Variants in CNTNAP2 observed in about 807,000 individuals in gnomAD.
CNTNAP2 encodes contactin-associated protein-like 2.
In CNTNAP2, 98 loss-of-function variants were observed where a neutral mutation model predicts 155.2. That is an observed-to-expected ratio of 0.63 (90% confidence interval 0.54 to 0.75). The LOEUF (loss-of-function observed/expected upper bound fraction) is 0.75, where lower values mean the gene tolerates loss of function less well. Ranked by LOEUF, CNTNAP2 falls within the 30% of genes least tolerant of loss-of-function variation. CNTNAP2 has a pLI of 0.00. For missense variants in CNTNAP2, 1,727 were observed against 1,688.1 expected, an observed-to-expected ratio of 1.02 and a Z score of -0.40; for synonymous variants, 651 against 631.2, an observed-to-expected ratio of 1.03 and a Z score of -0.47.
intron 13 of CNTNAP2, among the ~76,000 whole-genome samples, chr7:147,772,407 A>AT (rs1347737475): frequency 8.7e-5 from 12 of 138,304 alleles, no homozygotes; most frequent in African/African-American, 2.7e-4. Context: ...CTAAAAAAAA[A>AT]AATATATATA....
At chr7:146,361,514 T>C (rs1795082608) in intron 1 of CNTNAP2, among the ~76,000 whole-genome samples, 1 of 152,202 alleles carries the variant, frequency 6.6e-6, no homozygotes, top group Non-Finnish European at 1.5e-5. Flanking sequence ...AAGTGTTCAC[T>C]GTATGAGGTA....
At chr7:146,751,438 C>G (rs1801901843) in intron 1 of CNTNAP2, among the ~76,000 whole-genome samples, 1 of 152,096 alleles carries the variant, frequency 6.6e-6, no homozygotes, top group Non-Finnish European at 1.5e-5. Context: ...CATACACACC[C>G]ACTGACTGAG....
chr7:148,401,644 G>C (rs1799585026), intron 22 of CNTNAP2, among the ~76,000 whole-genome samples: 1 of 151,586 alleles, frequency 6.6e-6, no homozygotes, highest in Non-Finnish European at 1.5e-5. Context: ...TTTTGCCCAG[G>C]CTGGAGTGCA....
intron 13 of CNTNAP2, among the ~76,000 whole-genome samples, chr7:147,899,118 T>G (rs1236574820): frequency 6.6e-6 from 1 of 152,162 alleles, no homozygotes; most frequent in Non-Finnish European, 1.5e-5. Context: ...AGCAGGTGAA[T>G]CACTTGAGCC....
intron 3 of CNTNAP2, among the ~76,000 whole-genome samples, chr7:147,034,273 G>A (rs2372808): frequency 0.65 from 98,306 of 152,110 alleles, 33,320 homozygotes; most frequent in African/African-American, 0.86. Context: ...TTTCTTTGCC[G>A]TCTTCGTTTT....
At chr7:147,893,651 A>G (rs1416524848) in intron 13 of CNTNAP2, among the ~76,000 whole-genome samples, 5 of 152,226 alleles carry the variant, frequency 3.3e-5, no homozygotes, top group African/African-American at 7.2e-5. Flanking sequence ...TAGTGGAATC[A>G]TAGGGAAATT....
intron 11 of CNTNAP2, among the ~76,000 whole-genome samples, chr7:147,532,469 CT>C (rs1799459010): frequency 6.6e-6 from 1 of 152,216 alleles, no homozygotes; most frequent in African/African-American, 2.4e-5. Context: ...AGGTTCCAAA[CT>C]TTCCCACATT....
chr7:147,609,218 C>T (rs762589378), intron 12 of CNTNAP2, among the ~76,000 whole-genome samples: 2 of 152,132 alleles, frequency 1.3e-5, no homozygotes, highest in Non-Finnish European at 2.9e-5. Flanking sequence ...TCTCTGACAT[C>T]CTGGAGTTTA....
intron 13 of CNTNAP2, among the ~76,000 whole-genome samples, chr7:147,900,062 G>C (rs1240476805): frequency 1.3e-5 from 2 of 152,098 alleles, no homozygotes; most frequent in East Asian, 3.9e-4. Flanking sequence ...CAAATTAAAA[G>C]AAAACTCTTA....
intron 8 of CNTNAP2, among the ~76,000 whole-genome samples, chr7:147,188,395 G>A (rs1001800978): frequency 6.6e-6 from 1 of 152,168 alleles, no homozygotes; most frequent in Non-Finnish European, 1.5e-5. Flanking sequence ...TCACATACAC[G>A]CATGATATTT....
In CNTNAP2 at chr7:147,173,027, A is replaced by C. The variant is rs73473008; in HGVS notation, c.1348+40518A>C. Among the ~76,000 whole-genome samples the C allele has an allele frequency of 9.4e-3, 1,435 of 152,294 alleles. 26 individuals are homozygous for C. The highest frequency in any genetic ancestry group is 0.033 in the African/African-American group (1,381 of 41,546). ...TAACACACAGGCTATAATTTGATGT[A>C]ATATTCAACTCTATACTTTATGGCA... On this transcript the variant is annotated intron_variant, in intron 8 of 23. Coordinates refer to ENST00000361727, the MANE Select transcript of CNTNAP2 (RefSeq NM_014141.6).
chr7:146,368,863 T>G (rs531069097), intron 1 of CNTNAP2, among the ~76,000 whole-genome samples: 13 of 150,370 alleles, frequency 8.6e-5, no homozygotes, highest in South Asian at 2.1e-4. Flanking sequence ...TATATATATA[T>G]ATAGATGCTT....
At chr7:146,282,071 G>A (rs1056533677) in intron 1 of CNTNAP2, among the ~76,000 whole-genome samples, 2 of 152,128 alleles carry the variant, frequency 1.3e-5, no homozygotes, top group Non-Finnish European at 2.9e-5. Flanking sequence ...GTTTATGTTA[G>A]CATTGCTGTT....
chr7:147,704,838 CTAGGTTTTTGGTTTGT>C (rs1796287272), intron 13 of CNTNAP2, among the ~76,000 whole-genome samples: 1 of 152,008 alleles, frequency 6.6e-6, no homozygotes, highest in Admixed American at 6.6e-5. Context: ...GACATGTTCT[CTAGGTTTTTGGTTTGT>C]TAGTGTATAG....
At chr7:147,891,967 A>G (rs1799703111) in intron 13 of CNTNAP2, among the ~76,000 whole-genome samples, 1 of 152,244 alleles carries the variant, frequency 6.6e-6, no homozygotes, top group South Asian at 2.1e-4. Context: ...GATTTATCAC[A>G]ACAAAGTCGA....
At chr7:146,714,406 A>T (rs1253734266) in intron 1 of CNTNAP2, among the ~76,000 whole-genome samples, 1 of 152,246 alleles carries the variant, frequency 6.6e-6, no homozygotes, top group African/African-American at 2.4e-5. Context: ...ACTAGTTTCT[A>T]ATCATGGAAG....
intron 8 of CNTNAP2, among the ~76,000 whole-genome samples, chr7:147,278,103 G>A (rs1279167164): frequency 7.1e-6 from 1 of 141,098 alleles, no homozygotes; most frequent in Non-Finnish European, 1.5e-5. Flanking sequence ...TATTCTAGGA[G>A]CTCAGGAAGG....
chr7:147,638,701 A>G, intron 12 of CNTNAP2: 4 of 378,100 alleles, frequency 1.1e-5, no homozygotes, highest in Non-Finnish European at 2.1e-5. Context: ...AGAGGCTTGA[A>G]AGAGAGCATA....
In CNTNAP2 at chr7:146,716,029, C is replaced by T. The variant is rs75639385; in HGVS notation, c.98-58242C>T. 2.4e-4 allele frequency among the ~76,000 whole-genome samples: 37 copies of T among 152,088 alleles called. No individual in the cohort carries two copies. The East Asian group carries it at 6.0e-3, about 25-fold the overall frequency. ...CAGCCGCCATAGGTCATTAACATGC[C>T]GCCTGCATCATTCACTTACCCACTA... On this transcript the variant is annotated intron_variant, in intron 1 of 23. Coordinates refer to ENST00000361727, the MANE Select transcript of CNTNAP2 (RefSeq NM_014141.6).
Sources: gnomAD v4.1 joint callset for allele counts (sites outside exome capture counted in the v4.1 genomes callset) on GRCh38, gnomAD v4.1.1 for gene constraint, MANE v1.5 for transcripts, NCBI Gene and HGNC (gene_info 2026-07-23, HGNC 2026-07-21) for gene names.